Variants in TRPM1 observed in about 807,000 individuals in gnomAD.
TRPM1 encodes transient receptor potential cation channel subfamily M member 1.
In TRPM1, 113 loss-of-function variants were observed where a neutral mutation model predicts 149.4. That is an observed-to-expected ratio of 0.76 (90% CI 0.65 to 0.88). The LOEUF is 0.88. TRPM1 is among the 40% of genes least tolerant of loss of function. TRPM1 has a pLI of 0.00. For synonymous variants in TRPM1, 741 were observed against 759.5 expected (o/e 0.98, Z 0.40); for missense variants, 1,976 against 2,038.7 (o/e 0.97, Z 0.59).
intron 1 of TRPM1, among the ~76,000 whole-genome samples, chr15:31,154,764 G>A (rs1374727909): frequency 2.0e-5 from 3 of 152,198 alleles, no homozygotes; most frequent in East Asian, 1.9e-4. Flanking sequence ...GAGATATTTT[G>A]CAGAACCTGC....
intron 12 of TRPM1, 44 bp from the exon 13 acceptor site, chr15:31,049,553 GAC>G: frequency 2.5e-6 from 4 of 1,611,796 alleles, no homozygotes; most frequent in Non-Finnish European, 3.4e-6. Flanking sequence ...GCCTCTCAGA[GAC>G]ACAGGGGAGG....
intron 1 of TRPM1, among the ~76,000 whole-genome samples, chr15:31,133,388 T>C (rs1476793116): frequency 6.7e-6 from 1 of 149,410 alleles, no homozygotes; most frequent in Non-Finnish European, 1.5e-5. Flanking sequence ...ATCCACATGG[T>C]GAAACTCCGT....
At chr15:31,036,643 A>C (rs946407747) in intron 20 of TRPM1, among the ~76,000 whole-genome samples, 7 of 152,176 alleles carry the variant, frequency 4.6e-5, no homozygotes, top group African/African-American at 1.7e-4. Context: ...GGTGAGACCC[A>C]AGGCTGAGAG....
chr15:31,048,603 G>A (rs192087282), intron 13 of TRPM1, among the ~76,000 whole-genome samples: 234 of 152,262 alleles, frequency 1.5e-3, no homozygotes, highest in African/African-American at 5.4e-3. Flanking sequence ...CTTGAGGCTA[G>A]GAGTTTGAGA....
intron 23 of TRPM1, 75 bp downstream of exon 23, chr15:31,030,908 T>G (rs1567001456): frequency 1.3e-6 from 2 of 1,525,210 alleles, no homozygotes; most frequent in Non-Finnish European, 1.8e-6. Context: ...TTAATACATG[T>G]TCTTCCATTA....
chr15:31,113,712 G>C (rs988748771), intron 1 of TRPM1, among the ~76,000 whole-genome samples: 1 of 152,116 alleles, frequency 6.6e-6, no homozygotes, highest in East Asian at 1.9e-4. Context: ...GTTCATTCCG[G>C]TGGATTTCTG....
chr15:31,140,358 G>A (rs184853245), intron 1 of TRPM1, among the ~76,000 whole-genome samples: 358 of 151,480 alleles, frequency 2.4e-3, no homozygotes, highest in African/African-American at 8.4e-3. Context: ...CAGCCTGGGC[G>A]ACAGAGAGAG....
intron 1 of TRPM1, among the ~76,000 whole-genome samples, chr15:31,137,570 A>G (rs1240937212): frequency 6.6e-6 from 1 of 152,154 alleles, no homozygotes; most frequent in East Asian, 1.9e-4. Flanking sequence ...GGCATTCAGA[A>G]GTCTCAAAGA....
At chr15:31,120,098 T>G (rs2035856124) in intron 1 of TRPM1, among the ~76,000 whole-genome samples, 1 of 152,166 alleles carries the variant, frequency 6.6e-6, no homozygotes, top group African/African-American at 2.4e-5. Flanking sequence ...ACTATGTTGT[T>G]CACTTTATTT....
At chr15:31,091,105 T>C (rs1321936031) in intron 1 of TRPM1, among the ~76,000 whole-genome samples, 1 of 152,156 alleles carries the variant, frequency 6.6e-6, no homozygotes, top group Non-Finnish European at 1.5e-5. Flanking sequence ...CTGGGATCTG[T>C]TGGGTAGGTT....
intron 1 of TRPM1, among the ~76,000 whole-genome samples, chr15:31,156,256 T>C (rs1038532082): frequency 6.6e-6 from 1 of 151,720 alleles, no homozygotes; most frequent in African/African-American, 2.4e-5. Context: ...AATATGTTTC[T>C]TTGCCATATT....
chr15:31,112,209 A>G (rs1021087911), intron 1 of TRPM1, among the ~76,000 whole-genome samples: 2 of 152,090 alleles, frequency 1.3e-5, no homozygotes, highest in African/African-American at 4.8e-5. Flanking sequence ...AGTGGCTGGG[A>G]GCTGTGGCTC....
intron 1 of TRPM1, among the ~76,000 whole-genome samples, chr15:31,124,280 G>A (rs906845979): frequency 3.4e-5 from 5 of 147,866 alleles, no homozygotes; most frequent in South Asian, 4.2e-4. Context: ...GTGAGACTCC[G>A]TCTATAAATA....
At chr15:31,123,593 A>G (rs1191951993) in intron 1 of TRPM1, among the ~76,000 whole-genome samples, 2 of 152,244 alleles carry the variant, frequency 1.3e-5, no homozygotes, top group Non-Finnish European at 2.9e-5. Context: ...ATCATTTTTT[A>G]TCAGGAATAG....
intron 27 of TRPM1, among the ~76,000 whole-genome samples, chr15:31,024,976 G>C (rs912966149): frequency 6.6e-6 from 1 of 152,170 alleles, no homozygotes; most frequent in African/African-American, 2.4e-5. Flanking sequence ...ACCGAGGCCA[G>C]GGACCCACAG....
Position 31,070,149 on chromosome 15 carries a change from C to T in TRPM1, c.161G>A (p.Ser54Asn), listed in dbSNP as rs2241493. 1,301,859 of 1,613,992 alleles carry T rather than the reference C, an allele frequency of 0.81. 527,388 individuals are homozygous for T. The highest frequency in any genetic ancestry group is 0.91 in the East Asian group (40,821 of 44,888). ...SATPSKNEEE[S>N]KQVETQPEKW... ...CTCAGGCTGAGTCTCCACCTGTTTGCTTTCCTCTTCATTTTTGCTGGGTGT... is the reference window on the plus strand; with the variant it reads ...CTCAGGCTGAGTCTCCACCTGTTTGTTTTCCTCTTCATTTTTGCTGGGTGT... The change falls in exon 4 of 28, where the codon AGC (serine) becomes AAC (asparagine). Residue 54 changes from serine (S) to asparagine (N), a missense_variant. Physicochemically the swap from Ser to Asn is conservative, Grantham distance 46. This residue lies in a region of TRPM1 where 1,332 missense variants were observed against 1,347.1 expected (regional missense o/e 0.99). Coordinates refer to ENST00000256552, the MANE Select transcript of TRPM1 (RefSeq NM_001252024.2).
chr15:31,028,594 A>G lies in TRPM1; in HGVS notation c.3149-118T>C. The stretch of plus-strand genomic sequence containing the variant: ...TTAATATGATTCTTTCTTATTTCAT[A>G]AGCAATATTTTTTCCATGGGAAAAA... On this transcript the variant is annotated intron_variant, in intron 24 of 27. Coordinates refer to ENST00000256552, the MANE Select transcript of TRPM1 (RefSeq NM_001252024.2). 4 of 1,290,936 alleles carry G rather than the reference A, an allele frequency of 3.1e-6. No homozygotes were observed. The South Asian group carries it at 5.2e-5, about 17-fold the overall frequency. The allele number at this position is 1,290,936 out of a possible 1,614,324, so 80.0% of individuals were successfully genotyped here.
At chr15:31,133,803 T>G (rs1322874154) in intron 1 of TRPM1, among the ~76,000 whole-genome samples, 1 of 152,142 alleles carries the variant, frequency 6.6e-6, no homozygotes, top group African/African-American at 2.4e-5. Context: ...GCTCTCGAGA[T>G]GGCAGATGGA....
At chr15:31,036,659 G>A (rs982356460) in intron 20 of TRPM1, among the ~76,000 whole-genome samples, 6 of 152,214 alleles carry the variant, frequency 3.9e-5, no homozygotes, top group African/African-American at 1.4e-4. Context: ...GAGAGGCCTC[G>A]ATGGCTTCCT....
Sources: allele counts gnomAD v4.1 joint callset (sites outside exome capture counted in the v4.1 genomes callset), GRCh38; gene constraint gnomAD v4.1.1; regional missense constraint gnomAD v4.1.1; transcripts MANE v1.5; gene names NCBI Gene and HGNC (gene_info 2026-07-23, HGNC 2026-07-21).